Variants in CCDC178 observed in about 807,000 individuals in gnomAD.
CCDC178 encodes the protein coiled-coil domain containing 178, also known as coiled-coil domain-containing protein 178.
A neutral mutation model predicts 117.4 loss-of-function variants in CCDC178; 126 were observed. The ratio of observed to expected loss-of-function variants is 1.07; its 90% CI spans 0.93 to 1.24. CCDC178 has a LOEUF of 1.24. Among genes scored for constraint, CCDC178 ranks in the 50% most tolerant of loss-of-function variants. CCDC178 has a pLI of 0.00. For missense variants in CCDC178, 1,030 were observed against 986.9 expected (o/e 1.04, Z -0.59); for synonymous variants, 283 against 313.4 (o/e 0.90, Z 1.02).
chr18:33,258,086 A>C (rs1770844100), intron 14 of CCDC178, among the ~76,000 whole-genome samples: 1 of 150,188 alleles, frequency 6.7e-6, no homozygotes, highest in African/African-American at 2.5e-5. Context: ...CTTAATTATT[A>C]TATTTTTTTG....
chr18:33,426,360 A>G (rs1429940958), intron 2 of CCDC178, among the ~76,000 whole-genome samples: 1 of 152,254 alleles, frequency 6.6e-6, no homozygotes, highest in African/African-American at 2.4e-5. Flanking sequence ...GAATAGATGA[A>G]TAAGGCAATT....
At chr18:33,404,501 G>C (rs951343987) in intron 3 of CCDC178, among the ~76,000 whole-genome samples, 1 of 152,082 alleles carries the variant, frequency 6.6e-6, no homozygotes, top group African/African-American at 2.4e-5. Flanking sequence ...CATGTATTTT[G>C]TATTATGAAA....
intron 20 of CCDC178, among the ~76,000 whole-genome samples, chr18:33,108,288 T>C (rs2057734951): frequency 6.8e-6 from 1 of 147,710 alleles, no homozygotes; most frequent in Non-Finnish European, 1.5e-5. Context: ...GTCATGTTTT[T>C]ATATGTTTTT....
intron 21 of CCDC178, among the ~76,000 whole-genome samples, chr18:33,068,339 T>C (rs2057053660): frequency 6.6e-6 from 1 of 152,188 alleles, no homozygotes; most frequent in African/African-American, 2.4e-5. Context: ...ATTACCCTGA[T>C]ACTGAAACCA....
At chr18:33,022,200 G>T (rs1479787677) in intron 21 of CCDC178, among the ~76,000 whole-genome samples, 1 of 152,018 alleles carries the variant, frequency 6.6e-6, no homozygotes, top group African/African-American at 2.4e-5. Flanking sequence ...CCATTCTTTT[G>T]TGTGCTGGTT....
intron 14 of CCDC178, among the ~76,000 whole-genome samples, chr18:33,248,033 A>G (rs2059571190): frequency 6.6e-6 from 1 of 151,868 alleles, no homozygotes; most frequent in Non-Finnish European, 1.5e-5. Context: ...GTGAGTACTG[A>G]ACATTATAAA....
chr18:33,249,061 T>C (rs2059585692), intron 14 of CCDC178, among the ~76,000 whole-genome samples: 1 of 152,166 alleles, frequency 6.6e-6, no homozygotes, highest in South Asian at 2.1e-4. Flanking sequence ...TGCATAAATG[T>C]CTTCTTTTGA....
chr18:33,054,824 G>A (rs115801692), intron 21 of CCDC178, among the ~76,000 whole-genome samples: 1 of 152,180 alleles, frequency 6.6e-6, no homozygotes, highest in Non-Finnish European at 1.5e-5. Context: ...ATTTCTACCT[G>A]TAGGTCTTTG....
intron 22 of CCDC178, among the ~76,000 whole-genome samples, chr18:32,963,007 C>A (rs1388984220): frequency 6.6e-6 from 1 of 151,938 alleles, no homozygotes; most frequent in African/African-American, 2.4e-5. Flanking sequence ...TTATTAAAGA[C>A]CTTACTCTAA....
chr18:33,113,500 G>C (rs2057811345), intron 20 of CCDC178, among the ~76,000 whole-genome samples: 1 of 151,852 alleles, frequency 6.6e-6, no homozygotes, highest in Admixed American at 6.6e-5. Flanking sequence ...CTACCTACTA[G>C]ATGAAATTCA....
At chr18:33,116,741 CT>C (rs1244899930) in intron 20 of CCDC178, among the ~76,000 whole-genome samples, 3 of 119,584 alleles carry the variant, frequency 2.5e-5, no homozygotes, top group African/African-American at 1.2e-4. Flanking sequence ...GAAGAACCCC[CT>C]GTCAAAGCCC....
At chr18:33,128,375 AG>A (rs908357201) in intron 20 of CCDC178, among the ~76,000 whole-genome samples, 2 of 152,238 alleles carry the variant, frequency 1.3e-5, no homozygotes, top group Admixed American at 1.3e-4. Flanking sequence ...GAAAATTAAA[AG>A]AACTGAAGAT....
intron 7 of CCDC178, among the ~76,000 whole-genome samples, chr18:33,350,549 T>C (rs1417665877): frequency 6.6e-6 from 1 of 152,188 alleles, no homozygotes; most frequent in Non-Finnish European, 1.5e-5. Flanking sequence ...TTCGTGACTT[T>C]TTAACTTAGC....
At chr18:33,187,114 A>AGC (rs769991186) in intron 20 of CCDC178, among the ~76,000 whole-genome samples, 10 of 150,308 alleles carry the variant, frequency 6.7e-5, no homozygotes, top group South Asian at 4.2e-4. Flanking sequence ...AGAGAGAGAG[A>AGC]GACTGAGAGA....
chr18:33,027,347 T>C (rs539235084), intron 21 of CCDC178, among the ~76,000 whole-genome samples: 34 of 151,750 alleles, frequency 2.2e-4, no homozygotes, highest in Middle Eastern at 3.4e-3. Flanking sequence ...AATAAAATCA[T>C]TGTGGTATAA....
At chr18:33,274,114 A>G (rs2059918421) in intron 12 of CCDC178, among the ~76,000 whole-genome samples, 1 of 151,892 alleles carries the variant, frequency 6.6e-6, no homozygotes, top group Non-Finnish European at 1.5e-5. Flanking sequence ...GAAGATATAC[A>G]AATGACAAAC....
intron 15 of CCDC178, among the ~76,000 whole-genome samples, chr18:33,242,952 T>C (rs1467607515): frequency 1.3e-5 from 2 of 151,880 alleles, no homozygotes; most frequent in East Asian, 3.9e-4. Flanking sequence ...TGTATCCCCA[T>C]GTTTTTTTTG....
At chr18:33,342,997 C>A (rs1448634695) in intron 9 of CCDC178, among the ~76,000 whole-genome samples, 2 of 152,176 alleles carry the variant, frequency 1.3e-5, no homozygotes, top group South Asian at 2.1e-4. Flanking sequence ...CCCTTTCTGT[C>A]TCACCCCCTG....
intron 20 of CCDC178, among the ~76,000 whole-genome samples, chr18:33,170,142 T>G (rs560683261): frequency 2.0e-5 from 3 of 152,170 alleles, no homozygotes; most frequent in Non-Finnish European, 2.9e-5. Flanking sequence ...CCATGTAATG[T>G]TTCTTCAGGA....
Sources: allele counts gnomAD v4.1 joint callset (sites outside exome capture counted in the v4.1 genomes callset), GRCh38; gene constraint gnomAD v4.1.1; transcripts MANE v1.5; gene names NCBI Gene and HGNC (gene_info 2026-07-23, HGNC 2026-07-21).